EIF4E: variants seen among roughly 807,000 people sequenced by gnomAD.
EIF4E encodes eukaryotic translation initiation factor 4E.
For missense variants in EIF4E, 113 were observed against 265.6 expected (o/e 0.43, Z 3.99); for synonymous variants, 71 against 88.5 (o/e 0.80, Z 1.11).
At chr4:98,913,005 G>A (rs1190162290) in intron 1 of EIF4E, among the ~76,000 whole-genome samples, 3 of 152,084 alleles carry the variant, frequency 2.0e-5, no homozygotes, top group Admixed American at 6.5e-5. Context: ...TCAGGTGTTC[G>A]AGACCAGCCT....
rs530169907 is a variant in EIF4E, at chr4:98,893,161, C to T, written c.126-1829G>A. On this transcript the variant is annotated intron_variant, in intron 2 of 6. Transcript: ENST00000450253. ...AGCATTACATCTAAAAAAAAATGTACATACCTTAATTAAAAATTCTATTGC... is the reference window on the plus strand; with the variant it reads ...AGCATTACATCTAAAAAAAAATGTATATACCTTAATTAAAAATTCTATTGC... 5.9e-5 allele frequency among the ~76,000 whole-genome samples: 9 copies of T among 152,240 alleles called. No homozygotes were observed. The East Asian group carries it at 1.4e-3, about 23-fold the overall frequency.
chr4:98,893,024 A>G (rs780058228), intron 2 of EIF4E, among the ~76,000 whole-genome samples: 1 of 152,200 alleles, frequency 6.6e-6, no homozygotes, highest in Non-Finnish European at 1.5e-5. Context: ...TAATAAAGTG[A>G]GTATCACAAT....
intron 1 of EIF4E, chr4:98,903,357 T>C (rs997617625): frequency 2.4e-6 from 1 of 414,824 alleles, no homozygotes; most frequent in African/African-American, 2.2e-5. Flanking sequence ...TGAAAGAATA[T>C]GGGTTTTTTT....
At chr4:98,904,354 A>T (rs1346853643) in intron 1 of EIF4E, among the ~76,000 whole-genome samples, 1 of 152,238 alleles carries the variant, frequency 6.6e-6, no homozygotes, top group East Asian at 1.9e-4. Context: ...TTGGACATAC[A>T]GGAATTAAAA....
intron 2 of EIF4E, among the ~76,000 whole-genome samples, chr4:98,896,995 A>C (rs1457877460): frequency 6.6e-6 from 1 of 152,176 alleles, no homozygotes; most frequent in Non-Finnish European, 1.5e-5. Context: ...GGAAAATTTG[A>C]AAACATCTTA....
Position 98,881,149 on chromosome 4 carries a change from G to GA in EIF4E, c.540-8dup, listed in dbSNP as rs374891583. On this transcript the variant is annotated splice_region_variant and splice_polypyrimidine_tract_variant and intron_variant, in intron 6 of 6. Coordinates refer to ENST00000450253, the MANE Select transcript of EIF4E (RefSeq NM_001968.5). ...CCTTTCCTTGTATACCCTCCTAGAA[G>GA]AAAAAAAAAAAGAAGAAGAAAAAAG... 0.015 allele frequency: 16,513 copies of GA among 1,084,268 alleles called. No individual in the cohort carries two copies. The highest frequency in any genetic ancestry group is 0.038 in the East Asian group (1,060 of 27,594). 67.2% of individuals were successfully genotyped at this position (1,084,268 alleles called of 1,614,324 possible).
At chr4:98,894,034 C>T (rs987243342) in intron 2 of EIF4E, among the ~76,000 whole-genome samples, 1 of 152,186 alleles carries the variant, frequency 6.6e-6, no homozygotes, top group African/African-American at 2.4e-5. Context: ...GGCGACTAGG[C>T]GCATCATCAA....
intron 1 of EIF4E, chr4:98,909,638 A>G (rs1224023600): frequency 1.4e-6 from 1 of 711,244 alleles, no homozygotes; most frequent in South Asian, 1.5e-5. Context: ...AGAACAGTAT[A>G]TGCAGCTTCC....
intron 2 of EIF4E, among the ~76,000 whole-genome samples, chr4:98,896,665 TCCAAAA>T (rs1724418465): frequency 3.2e-5 from 2 of 61,814 alleles, no homozygotes; most frequent in African/African-American, 1.6e-4. Context: ...CCATGTCTCT[TCCAAAA>T]AAAAAAAAAA....
At chr4:98,924,822 A>G (rs920912875) in intron 1 of EIF4E, among the ~76,000 whole-genome samples, 1 of 151,990 alleles carries the variant, frequency 6.6e-6, no homozygotes, top group African/African-American at 2.4e-5. Flanking sequence ...CGAACACCTG[A>G]CCTCAAGTGA....
In EIF4E at chr4:98,929,118, A is replaced by G. The variant is rs551259326; in HGVS notation, c.-6T>C. 5 of 1,571,254 alleles carry G rather than the reference A, an allele frequency of 3.2e-6. No homozygotes were observed. In the South Asian group the frequency reaches 5.8e-5, roughly 18 times the overall value. On this transcript the variant is annotated 5_prime_UTR_variant, in exon 1 of 7. Coordinates refer to ENST00000450253, the MANE Select transcript of EIF4E (RefSeq NM_001968.5). ...ACCGGTTCGACAGTCGCCATCTTAGATCGATCTGATCGCACAACCGCTCCA... is the reference window on the plus strand; with the variant it reads ...ACCGGTTCGACAGTCGCCATCTTAGGTCGATCTGATCGCACAACCGCTCCA...
At chr4:98,897,706 TTGTC>T (rs1304134491) in intron 2 of EIF4E, among the ~76,000 whole-genome samples, 1 of 152,214 alleles carries the variant, frequency 6.6e-6, no homozygotes, top group Non-Finnish European at 1.5e-5. Flanking sequence ...ATTTAGGCAA[TTGTC>T]TGAACTTAAG....
chr4:98,884,429 G>A (rs1224515772), intron 6 of EIF4E, among the ~76,000 whole-genome samples: 10 of 152,126 alleles, frequency 6.6e-5, no homozygotes, highest in Admixed American at 6.6e-4. Flanking sequence ...AAGGCCAGGC[G>A]CAGTGGCTCA....
At chr4:98,906,757 T>C (rs1206832242) in intron 1 of EIF4E, among the ~76,000 whole-genome samples, 10 of 152,194 alleles carry the variant, frequency 6.6e-5, no homozygotes, top group Admixed American at 1.3e-4. Context: ...ACAAACCAGA[T>C]TGTCATCAGA....
At chr4:98,908,525 T>C (rs115988937) in intron 1 of EIF4E, among the ~76,000 whole-genome samples, 1,749 of 152,304 alleles carry the variant, frequency 0.011, 11 homozygotes, top group Non-Finnish European at 0.02. Flanking sequence ...AAGGTACTAA[T>C]ACAACATTCT....
intron 1 of EIF4E, among the ~76,000 whole-genome samples, chr4:98,919,296 A>C (rs1222985374): frequency 6.7e-6 from 1 of 150,204 alleles, no homozygotes; most frequent in Non-Finnish European, 1.5e-5. Flanking sequence ...AGAGTGAGAC[A>C]CCATCTCAAA....
At chr4:98,921,626 T>A (rs1175923449) in intron 1 of EIF4E, among the ~76,000 whole-genome samples, 1 of 152,208 alleles carries the variant, frequency 6.6e-6, no homozygotes, top group Non-Finnish European at 1.5e-5. Flanking sequence ...CATTTTGTAG[T>A]AACAAGCTTA....
intron 1 of EIF4E, chr4:98,910,016 T>C (rs1400821079): frequency 1.1e-5 from 4 of 375,858 alleles, no homozygotes; most frequent in East Asian, 8.3e-5. Context: ...AAATATAGTC[T>C]TACCACCTGT....
intron 1 of EIF4E, chr4:98,928,794 AG>A: frequency 6.9e-7 from 1 of 1,442,704 alleles, no homozygotes; most frequent in Non-Finnish European, 9.3e-7. Context: ...TACCCAGCCC[AG>A]AACCCCAGCT....
Sources: allele counts gnomAD v4.1 joint callset (sites outside exome capture counted in the v4.1 genomes callset), GRCh38; gene constraint gnomAD v4.1.1; transcripts MANE v1.5; gene names NCBI Gene and HGNC (gene_info 2026-07-23, HGNC 2026-07-21).